Variants in ITGA9 observed in about 807,000 individuals in gnomAD.
The protein encoded by ITGA9 is integrin alpha-9.
ITGA9 carries 56 observed loss-of-function variants against 127.8 expected under a neutral mutation model. The observed-to-expected ratio is 0.44, with a 90% confidence interval of 0.35 to 0.55. The LOEUF (loss-of-function observed/expected upper bound fraction) is 0.55, where lower values mean the gene tolerates loss of function less well. Among genes scored for constraint, ITGA9 ranks in the 20% least tolerant of loss-of-function variants. The probability of loss-of-function intolerance (pLI) is 0.00; values close to 1 mark genes in which losing one functional copy is unlikely to be tolerated. For synonymous variants in ITGA9, 508 were observed against 514.5 expected (o/e 0.99, Z 0.17); for missense variants, 1,196 against 1,347.1 (o/e 0.89, Z 1.76).
intron 18 of ITGA9, among the ~76,000 whole-genome samples, chr3:37,702,746 T>C (rs888790422): frequency 3.3e-5 from 5 of 151,916 alleles, no homozygotes; most frequent in Admixed American, 1.3e-4. Context: ...AGAATATCAC[T>C]CTCTTGACAA....
intron 8 of ITGA9, among the ~76,000 whole-genome samples, chr3:37,509,701 G>C (rs1203265748): frequency 6.6e-6 from 1 of 152,136 alleles, no homozygotes; most frequent in Non-Finnish European, 1.5e-5. Flanking sequence ...TCCTCAGAAT[G>C]GCTCTGCCTT....
At chr3:37,728,616 C>T (rs1205327577) in intron 18 of ITGA9, among the ~76,000 whole-genome samples, 1 of 152,166 alleles carries the variant, frequency 6.6e-6, no homozygotes, top group Non-Finnish European at 1.5e-5. Context: ...CCTTTATAAA[C>T]TGCAGTCAGG....
intron 1 of ITGA9, among the ~76,000 whole-genome samples, chr3:37,458,779 G>GGACT (rs1698286676): frequency 6.6e-6 from 1 of 152,176 alleles, no homozygotes; most frequent in African/African-American, 2.4e-5. Context: ...AGGGCCATTG[G>GGACT]GACTGGCCCA....
At position 37,779,906 on chromosome 3, in the gene ITGA9, G is replaced by A; in HGVS notation, c.2672G>A (p.Cys891Tyr). 3 of 1,613,936 alleles carry A rather than the reference G, an allele frequency of 1.9e-6. No individual in the cohort carries two copies. Among genetic ancestry groups the A allele is most frequent in the Non-Finnish European group, 2.5e-6 (3 of 1,179,868 alleles). Residue 891 changes from cysteine (C) to tyrosine (Y), a missense_variant, in exon 25 of 28, where the codon TGT becomes TAT. Physicochemically the swap from Cys to Tyr is radical, Grantham distance 194 (BLOSUM62 -2). Coordinates refer to ENST00000264741, the MANE Select transcript of ITGA9 (RefSeq NM_002207.3). ...FTKSGRKVLD[C>Y]EKPGISCLTA... ...TTTTCTGACTTTTCTTCTCAGGACT[G>A]TGAAAAACCAGGAATTTCTTGCCTA...
chr3:37,529,999 A>T (rs1699132235), intron 13 of ITGA9, among the ~76,000 whole-genome samples: 4 of 151,960 alleles, frequency 2.6e-5, no homozygotes, highest in Admixed American at 2.6e-4. Flanking sequence ...TCAGTTTGGG[A>T]TGTGGATGAG....
At chr3:37,722,285 G>A (rs556316285) in intron 18 of ITGA9, among the ~76,000 whole-genome samples, 1 of 152,332 alleles carries the variant, frequency 6.6e-6, no homozygotes, top group African/African-American at 2.4e-5. Context: ...CTCACAGGCT[G>A]TGATTACTTT....
intron 23 of ITGA9, among the ~76,000 whole-genome samples, chr3:37,766,802 AT>A (rs2125545224): frequency 6.6e-6 from 1 of 152,334 alleles, no homozygotes; most frequent in East Asian, 1.9e-4. Flanking sequence ...CATTTTTGGT[AT>A]GCATGTCAAG....
intron 17 of ITGA9, among the ~76,000 whole-genome samples, chr3:37,655,151 A>G (rs1447537660): frequency 6.6e-6 from 1 of 152,186 alleles, no homozygotes; most frequent in Non-Finnish European, 1.5e-5. Context: ...TGCAATAAAC[A>G]TATGTGTGCA....
intron 26 of ITGA9, among the ~76,000 whole-genome samples, chr3:37,788,013 A>T (rs547967004): frequency 1.3e-5 from 2 of 152,230 alleles, no homozygotes; most frequent in Non-Finnish European, 2.9e-5. Context: ...ATGTTTTCTT[A>T]AAACAATTAT....
At chr3:37,797,409 AG>A (rs1697186476) in intron 26 of ITGA9, among the ~76,000 whole-genome samples, 1 of 152,150 alleles carries the variant, frequency 6.6e-6, no homozygotes, top group Non-Finnish European at 1.5e-5. Context: ...TGCCCACCTA[AG>A]AAGCTCCATT....
At chr3:37,503,133 C>T in intron 5 of ITGA9, 45 bp from the exon 6 acceptor site, 1 of 1,609,908 alleles carries the variant, frequency 6.2e-7, no homozygotes, top group Non-Finnish European at 8.5e-7. Flanking sequence ...CCCTCCTCCC[C>T]TCCTCACTTC....
chr3:37,710,411 CA>C (rs1305425917), intron 18 of ITGA9, among the ~76,000 whole-genome samples: 3 of 150,078 alleles, frequency 2.0e-5, no homozygotes, highest in Non-Finnish European at 4.4e-5. Context: ...CCCCCCCCCA[CA>C]CACATAAATA....
intron 15 of ITGA9, among the ~76,000 whole-genome samples, chr3:37,596,276 C>A (rs1188365624): frequency 1.3e-5 from 2 of 151,630 alleles, no homozygotes; most frequent in African/African-American, 4.8e-5. Flanking sequence ...AAGAGAAAGG[C>A]TACAACTCAG....
chr3:37,739,139 T>C (rs751855809), intron 20 of ITGA9, among the ~76,000 whole-genome samples: 25 of 152,192 alleles, frequency 1.6e-4, no homozygotes, highest in Non-Finnish European at 1.5e-5. Context: ...TCAGTAAATA[T>C]TTATTGTGCA....
chr3:37,576,678 C>T (rs1699656981), intron 15 of ITGA9, among the ~76,000 whole-genome samples: 1 of 152,212 alleles, frequency 6.6e-6, no homozygotes, highest in African/African-American at 2.4e-5. Context: ...GCAATCTTGG[C>T]TCACTGCAAC....
At chr3:37,534,328 T>G (rs1320943194) in intron 14 of ITGA9, among the ~76,000 whole-genome samples, 1 of 152,268 alleles carries the variant, frequency 6.6e-6, no homozygotes, top group Non-Finnish European at 1.5e-5. Context: ...CTACTCACAG[T>G]GTAGCCCCTG....
intron 15 of ITGA9, among the ~76,000 whole-genome samples, chr3:37,552,089 G>GT (rs1699383761): frequency 6.6e-6 from 1 of 152,224 alleles, no homozygotes; most frequent in Non-Finnish European, 1.5e-5. Context: ...CGTGCTGTGT[G>GT]TCACAATAAG....
At chr3:37,467,793 G>A (rs1363588718) in intron 1 of ITGA9, among the ~76,000 whole-genome samples, 2 of 152,140 alleles carry the variant, frequency 1.3e-5, no homozygotes, top group Non-Finnish European at 2.9e-5. Flanking sequence ...TGCTCCCCAG[G>A]TCTTAGAACC....
At chr3:37,582,050 C>T (rs552091873) in intron 15 of ITGA9, among the ~76,000 whole-genome samples, 4 of 152,232 alleles carry the variant, frequency 2.6e-5, no homozygotes, top group East Asian at 3.9e-4. Flanking sequence ...ATTCAGACTA[C>T]GACAGCAATT....
Sources: gnomAD v4.1 joint callset for allele counts (sites outside exome capture counted in the v4.1 genomes callset) on GRCh38, gnomAD v4.1.1 for gene constraint, MANE v1.5 for transcripts, NCBI Gene and HGNC (gene_info 2026-07-23, HGNC 2026-07-21) for gene names.